SYTL3: variants seen among roughly 807,000 people sequenced by gnomAD.
The protein encoded by SYTL3 is synaptotagmin-like protein 3.
Under a neutral mutation model 82.1 loss-of-function variants are expected in SYTL3, and 88 were observed. That is an observed-to-expected ratio of 1.07 (90% confidence interval 0.90 to 1.28). SYTL3 has a LOEUF of 1.28. Ranked by LOEUF, SYTL3 falls within the 50% of genes most tolerant of loss-of-function variation. SYTL3 has a pLI of 0.00. For missense variants in SYTL3, 831 were observed against 757.6 expected (o/e 1.10, Z -1.14); for synonymous variants, 311 against 289.4 (o/e 1.07, Z -0.76).
At chr6:158,708,657 C>T (rs374478561) in intron 8 of SYTL3, among the ~76,000 whole-genome samples, 4 of 152,128 alleles carry the variant, frequency 2.6e-5, no homozygotes, top group South Asian at 4.1e-4. Flanking sequence ...GGCATGGCAT[C>T]GGCCCCCTTC....
intron 9 of SYTL3, 72 bp from the exon 10 acceptor site, chr6:158,718,015 C>A: frequency 4.9e-6 from 7 of 1,423,248 alleles, no homozygotes; most frequent in Non-Finnish European, 6.5e-6. Context: ...TCAGTGAACC[C>A]CAGAAGAGGC....
chr6:158,667,226 T>G (rs925817642), intron 5 of SYTL3, among the ~76,000 whole-genome samples: 1 of 152,240 alleles, frequency 6.6e-6, no homozygotes, highest in African/African-American at 2.4e-5. Flanking sequence ...CCCAGGAAGC[T>G]GACAGTGTTG....
chr6:158,760,980 C>T (rs760401476), intron 15 of SYTL3, among the ~76,000 whole-genome samples: 8 of 152,276 alleles, frequency 5.3e-5, no homozygotes, highest in East Asian at 1.9e-4. Context: ...GCCCTCTCTA[C>T]GCTCCTCTAA....
At chr6:158,732,446 C>T (rs1437717267) in intron 11 of SYTL3, among the ~76,000 whole-genome samples, 3 of 152,234 alleles carry the variant, frequency 2.0e-5, no homozygotes, top group Non-Finnish European at 2.9e-5. Flanking sequence ...CGTGTGCGCA[C>T]GGTAGGCCAG....
intron 16 of SYTL3, 82 bp from the exon 17 acceptor site, chr6:158,763,222 T>C (rs1790231843): frequency 7.4e-7 from 1 of 1,354,422 alleles, no homozygotes; most frequent in African/African-American, 1.4e-5. Flanking sequence ...TCTTAGTGCT[T>C]CCCGTCTGCA....
At chr6:158,659,633 G>A (rs2128358253) in intron 2 of SYTL3, among the ~76,000 whole-genome samples, 1 of 152,340 alleles carries the variant, frequency 6.6e-6, no homozygotes, top group South Asian at 2.1e-4. Context: ...GGGATTACAA[G>A]CGTGAGCCAC....
chr6:158,702,168 GA>G (rs1468217243), intron 6 of SYTL3, among the ~76,000 whole-genome samples: 2 of 150,978 alleles, frequency 1.3e-5, no homozygotes, highest in African/African-American at 2.4e-5. Context: ...TTTTTTTGTA[GA>G]AAAAAAATTA....
Position 158,725,739 on chromosome 6 carries a change from C to G in SYTL3, c.855+102C>G. On this transcript the variant is annotated intron_variant, in intron 11 of 17. Coordinates refer to ENST00000611299, the MANE Select transcript of SYTL3 (RefSeq NM_001242394.2). ...TTTCAATTACTCCTATTTGAAGGTCCTTATTTTTGGAGAACAGCAAGGCAT... is the reference window on the plus strand; with the variant it reads ...TTTCAATTACTCCTATTTGAAGGTCGTTATTTTTGGAGAACAGCAAGGCAT... 2.1e-6 allele frequency: 3 copies of G among 1,436,288 alleles called. No individual in the cohort carries two copies. In the South Asian group the frequency reaches 4.0e-5, roughly 19 times the overall value. 89.0% of individuals were successfully genotyped at this position (1,436,288 alleles called of 1,614,324 possible).
rs371516151 is a variant in SYTL3, at chr6:158,708,396, C to T, written c.516+5C>T. 5.6e-6 allele frequency: 9 copies of T among 1,613,524 alleles called. No homozygotes were observed. The highest frequency in any genetic ancestry group is 2.7e-5 in the African/African-American group (2 of 74,886). Reference sequence around the variant, plus strand: ...TGCAGCCGCAGTCCTGGCAGGGTAACGTATCCATTCTGGGCACTTCTCTAG... The same window carrying T: ...TGCAGCCGCAGTCCTGGCAGGGTAATGTATCCATTCTGGGCACTTCTCTAG... On this transcript the variant is annotated splice_donor_5th_base_variant and intron_variant, in intron 8 of 17. Transcript: ENST00000611299.
rs1250388907 is a variant in SYTL3 at position 158,740,247 on chromosome 6, C to T, written c.856-5233C>T. ...CTGACCTCAGATGATCTGCCTGCTTCGGTCTCCCAAAGTGTTGGGATTGCA... is the reference window on the plus strand; with the variant it reads ...CTGACCTCAGATGATCTGCCTGCTTTGGTCTCCCAAAGTGTTGGGATTGCA... On this transcript the variant is annotated intron_variant, in intron 11 of 17. Coordinates refer to ENST00000611299, the MANE Select transcript of SYTL3 (RefSeq NM_001242394.2). 7.9e-5 allele frequency among the ~76,000 whole-genome samples: 12 copies of T among 152,170 alleles called. No homozygotes were observed. In the East Asian group the frequency reaches 1.2e-3, roughly 15 times the overall value.
At chr6:158,742,863 A>T (rs1422720907) in intron 11 of SYTL3, among the ~76,000 whole-genome samples, 3 of 152,080 alleles carry the variant, frequency 2.0e-5, no homozygotes, top group African/African-American at 7.2e-5. Flanking sequence ...CTGGGATTAC[A>T]GGTGTGAGCC....
intron 9 of SYTL3, among the ~76,000 whole-genome samples, chr6:158,715,358 C>G (rs1393007605): frequency 6.6e-6 from 1 of 152,104 alleles, no homozygotes; most frequent in Non-Finnish European, 1.5e-5. Context: ...CGTCAGCACA[C>G]ATGCACCTTC....
chr6:158,722,774 T>G (rs7769188), intron 10 of SYTL3, among the ~76,000 whole-genome samples: 2,681 of 142,512 alleles, frequency 0.019, 61 homozygotes, highest in Middle Eastern at 0.055. Context: ...TTTTTTTTTT[T>G]TTTTTTTTTT....
chr6:158,710,673 C>T (rs1290682968), intron 8 of SYTL3, among the ~76,000 whole-genome samples: 1 of 152,028 alleles, frequency 6.6e-6, no homozygotes, highest in Non-Finnish European at 1.5e-5. Flanking sequence ...AATAATTTGG[C>T]AGCGGAGATT....
chr6:158,761,396 T>C (rs1789925962), intron 15 of SYTL3, among the ~76,000 whole-genome samples: 1 of 142,312 alleles, frequency 7.0e-6, no homozygotes, highest in East Asian at 2.1e-4. Context: ...TTCGCCTCCC[T>C]GATTCATGCC....
chr6:158,700,847 A>G (rs1400082151), intron 6 of SYTL3, among the ~76,000 whole-genome samples: 2 of 151,758 alleles, frequency 1.3e-5, no homozygotes, highest in Admixed American at 1.3e-4. Flanking sequence ...CGATCTCCTG[A>G]CCTCATGATC....
Position 158,693,845 on chromosome 6 carries a change from TTTTTC to T in SYTL3, c.394+10866_394+10870del, listed in dbSNP as rs1181388718. The stretch of plus-strand genomic sequence containing the variant: ...GGTGTGCCACTGCATCCAGCCTTTC[TTTTTC>T]TTTTCTTTTTTTTTTTTTTTTTTGT... On this transcript the variant is annotated intron_variant, in intron 6 of 17. Transcript: ENST00000611299. Among the ~76,000 whole-genome samples, 35 of 76,808 alleles carry T rather than the reference TTTTTC, an allele frequency of 4.6e-4. 1 individual carries two copies. Among genetic ancestry groups the T allele is most frequent in the African/African-American group, 2.9e-3 (34 of 11,704 alleles). The allele number at this position is 76,808 out of a possible 152,430, so 50.4% of individuals were successfully genotyped here.
At chr6:158,654,184 T>G (rs1379167111) in intron 2 of SYTL3, among the ~76,000 whole-genome samples, 1 of 152,200 alleles carries the variant, frequency 6.6e-6, no homozygotes, top group East Asian at 1.9e-4. Flanking sequence ...TCTCTGCTCC[T>G]GTGTGGAGTG....
chr6:158,684,084 TG>T (rs1057384567), intron 6 of SYTL3, among the ~76,000 whole-genome samples: 73 of 152,246 alleles, frequency 4.8e-4, no homozygotes, highest in African/African-American at 1.7e-3. Flanking sequence ...GGAATTCTCG[TG>T]GGTTTACGGA....
Sources: allele counts gnomAD v4.1 joint callset (sites outside exome capture counted in the v4.1 genomes callset), GRCh38; gene constraint gnomAD v4.1.1; transcripts MANE v1.5; gene names NCBI Gene and HGNC (gene_info 2026-07-23, HGNC 2026-07-21).